The following TRIM2 variants were observed in gnomAD, a reference collection of about 807,000 sequenced individuals.
TRIM2 encodes the protein tripartite motif-containing protein 2.
TRIM2 carries 20 observed loss-of-function variants against 75.2 expected under a neutral mutation model. The ratio of observed to expected loss-of-function variants is 0.27; its 90% CI spans 0.19 to 0.39. The LOEUF (loss-of-function observed/expected upper bound fraction) is 0.39. TRIM2 is among the 10% of genes least tolerant of loss of function. The pLI, the probability that TRIM2 is intolerant of heterozygous loss-of-function variation, is 1.00. For missense variants in TRIM2, 660 were observed against 990.8 expected (o/e 0.67, Z 4.48); for synonymous variants, 373 against 388.3 (o/e 0.96, Z 0.46).
intron 3 of TRIM2, among the ~76,000 whole-genome samples, 157 bp from the exon 4 acceptor site, chr4:153,292,825 G>C (rs140249303): frequency 6.6e-6 from 1 of 152,318 alleles, no homozygotes; most frequent in African/African-American, 2.4e-5. Context: ...ACATAAAAAT[G>C]TGTCCTTCCT....
At chr4:153,254,157 G>A (rs1751512946) in intron 1 of TRIM2, among the ~76,000 whole-genome samples, 1 of 152,140 alleles carries the variant, frequency 6.6e-6, no homozygotes, top group African/African-American at 2.4e-5. Context: ...GCCATCCTAA[G>A]ATGTTCATTT....
chr4:153,279,879 A>ATTT (rs1758851146), intron 3 of TRIM2, among the ~76,000 whole-genome samples: 1 of 150,148 alleles, frequency 6.7e-6, no homozygotes, highest in South Asian at 2.2e-4. Flanking sequence ...GGAAGCAGAG[A>ATTT]TTGCAATGAG....
intron 8 of TRIM2, among the ~76,000 whole-genome samples, chr4:153,319,147 CTT>C (rs1320710863): frequency 1.3e-5 from 2 of 151,888 alleles, no homozygotes; most frequent in Non-Finnish European, 2.9e-5. Flanking sequence ...AGTGTAGACT[CTT>C]TGTATTTATT....
At chr4:153,189,129 G>C (rs1173426356) in intron 1 of TRIM2, among the ~76,000 whole-genome samples, 4 of 152,170 alleles carry the variant, frequency 2.6e-5, no homozygotes, top group African/African-American at 9.7e-5. Context: ...ATAATCACAG[G>C]CATGAGTCAC....
chr4:153,309,482 A>T (rs925715839), intron 6 of TRIM2, among the ~76,000 whole-genome samples: 1 of 152,198 alleles, frequency 6.6e-6, no homozygotes, highest in African/African-American at 2.4e-5. Flanking sequence ...TTACTCACTC[A>T]TTAATAACTT....
At chr4:153,178,128 G>A (rs1231333094) in intron 1 of TRIM2, among the ~76,000 whole-genome samples, 1 of 152,040 alleles carries the variant, frequency 6.6e-6, no homozygotes, top group Non-Finnish European at 1.5e-5. Flanking sequence ...ATCAAATCAA[G>A]TTCTCTTCAG....
intron 1 of TRIM2, among the ~76,000 whole-genome samples, chr4:153,266,348 T>TTG (rs1755082387): frequency 1.4e-5 from 2 of 147,810 alleles, no homozygotes; most frequent in African/African-American, 5.0e-5. Context: ...TTTTGGGTTT[T>TTG]TTTTTTTTTT....
At chr4:153,192,635 G>T (rs28553938) in intron 1 of TRIM2, among the ~76,000 whole-genome samples, 41,744 of 147,652 alleles carry the variant, frequency 0.28, 7,545 homozygotes, top group African/African-American at 0.51. Flanking sequence ...AGTTAAAAGA[G>T]TCTAACAGCA....
At chr4:153,262,282 G>C (rs1288984968) in intron 1 of TRIM2, among the ~76,000 whole-genome samples, 1 of 152,146 alleles carries the variant, frequency 6.6e-6, no homozygotes, top group East Asian at 1.9e-4. Context: ...CAAGGCTAGG[G>C]TTTTTCAAGG....
chr4:153,279,531 A>G (rs1188237001), intron 3 of TRIM2, among the ~76,000 whole-genome samples: 1 of 152,220 alleles, frequency 6.6e-6, no homozygotes, highest in Non-Finnish European at 1.5e-5. Flanking sequence ...GAAACTTTTT[A>G]TATCCAATGT....
intron 3 of TRIM2, among the ~76,000 whole-genome samples, chr4:153,283,861 CTTTTTTTTTTTT>C (rs71598257): frequency 1.9e-5 from 1 of 53,258 alleles, no homozygotes; most frequent in African/African-American, 8.5e-5. Flanking sequence ...TGGCCTTGAT[CTTTTTTTTTTTT>C]TTTTTTTTTT....
chr4:153,263,314 G>GGGAGA (rs931841074), intron 1 of TRIM2, among the ~76,000 whole-genome samples: 14 of 152,008 alleles, frequency 9.2e-5, no homozygotes, highest in African/African-American at 3.1e-4. Context: ...GGGTGACAGA[G>GGGAGA]GGAGACCCTG....
Position 153,297,951 on chromosome 4 carries a change from T to TTCA in TRIM2, c.1510+1932_1510+1934dup, listed in dbSNP as rs534144237. 4.8e-3 allele frequency among the ~76,000 whole-genome samples: 737 copies of TTCA among 152,246 alleles called. 3 individuals are homozygous for TTCA. The highest frequency in any genetic ancestry group is 7.9e-3 in the African/African-American group (328 of 41,538). ...GGTAGCTAAGATTTTACTCTTGTTATTCATCATCATCATCATCATAATCAT... is the reference window on the plus strand; with the variant it reads ...GGTAGCTAAGATTTTACTCTTGTTATTCATCATCATCATCATCATCATAATCAT... On this transcript the variant is annotated intron_variant, in intron 6 of 11. Coordinates refer to ENST00000338700, the MANE Select transcript of TRIM2 (RefSeq NM_015271.5).
At chr4:153,220,968 A>T (rs916219885) in intron 1 of TRIM2, among the ~76,000 whole-genome samples, 2 of 152,148 alleles carry the variant, frequency 1.3e-5, no homozygotes, top group African/African-American at 4.8e-5. Flanking sequence ...TTAGCGTATG[A>T]CCCAGTGATT....
intron 11 of TRIM2, among the ~76,000 whole-genome samples, chr4:153,333,613 G>A (rs959933469): frequency 2.6e-5 from 4 of 152,064 alleles, no homozygotes; most frequent in African/African-American, 9.7e-5. Flanking sequence ...AGCAGAAACC[G>A]ATAGACCAAA....
intron 6 of TRIM2, among the ~76,000 whole-genome samples, chr4:153,301,750 C>T (rs139060523): frequency 3.1e-4 from 47 of 152,312 alleles, no homozygotes; most frequent in Middle Eastern, 3.4e-3. Context: ...AGAGACTGAT[C>T]TTTCCTCATT....
chr4:153,240,816 C>T (rs1302635303), intron 1 of TRIM2, among the ~76,000 whole-genome samples: 1 of 152,174 alleles, frequency 6.6e-6, no homozygotes, highest in South Asian at 2.1e-4. Flanking sequence ...TGGTGGCTCA[C>T]GCCTGTAATC....
At chr4:153,270,554 G>T (rs781745048) in intron 2 of TRIM2, 35 bp downstream of exon 2, 3 of 1,558,074 alleles carry the variant, frequency 1.9e-6, no homozygotes, top group Non-Finnish European at 1.7e-6. Flanking sequence ...AGGGAGTTTC[G>T]CAGGCTGACC....
chr4:153,206,402 T>C (rs1361003229), intron 1 of TRIM2, among the ~76,000 whole-genome samples: 1 of 152,206 alleles, frequency 6.6e-6, no homozygotes, highest in African/African-American at 2.4e-5. Context: ...CTCACGGAAC[T>C]CAGGGAGACA....
Sources: allele counts gnomAD v4.1 joint callset (sites outside exome capture counted in the v4.1 genomes callset), GRCh38; gene constraint gnomAD v4.1.1; transcripts MANE v1.5; gene names NCBI Gene and HGNC (gene_info 2026-07-23, HGNC 2026-07-21).